The following LDLRAD1 variants were observed in gnomAD, a reference collection of about 807,000 sequenced individuals.
The protein encoded by LDLRAD1 is low density lipoprotein receptor class A domain containing 1.
In LDLRAD1, 17 loss-of-function variants were observed where a neutral mutation model predicts 24.8. The ratio of observed to expected loss-of-function variants is 0.69; its 90% CI spans 0.47 to 1.03. The LOEUF is 1.03. Among genes scored for constraint, LDLRAD1 ranks in the 50% least tolerant of loss-of-function variants. The pLI is 0.00. For synonymous variants in LDLRAD1, 103 were observed against 108.2 expected, an observed-to-expected ratio of 0.95 and a Z score of 0.30; for missense variants, 277 against 271.0, an observed-to-expected ratio of 1.02 and a Z score of -0.16.
intron 1 of LDLRAD1, among the ~76,000 whole-genome samples, chr1:54,017,684 T>C (rs1656370524): frequency 6.6e-6 from 1 of 152,132 alleles, no homozygotes; most frequent in Non-Finnish European, 1.5e-5. Context: ...TCAAACCGGC[T>C]TGGGCAGCGA....
At chr1:54,013,092 A>C (rs994415050) in intron 3 of LDLRAD1, among the ~76,000 whole-genome samples, 1 of 152,088 alleles carries the variant, frequency 6.6e-6, no homozygotes, top group Admixed American at 6.5e-5. Flanking sequence ...AGAGACACTC[A>C]TGTTGACACA....
At chr1:54,014,140 G>C in intron 3 of LDLRAD1, 96 bp downstream of exon 3, 1 of 1,436,140 alleles carries the variant, frequency 7.0e-7, no homozygotes, top group Non-Finnish European at 9.4e-7. Flanking sequence ...AAGTCACCTG[G>C]TGGAGAAGCC....
In LDLRAD1 at chr1:54,008,557, A is replaced by AT. The variant is rs539546345; in HGVS notation, c.*424dup. The AT allele has an allele frequency of 6.2e-3, 948 of 152,766 alleles. 6 individuals carry two copies. Among genetic ancestry groups the AT allele is most frequent in the African/African-American group, 0.02 (813 of 40,666 alleles). The allele number at this position is 152,766 out of a possible 1,614,324, so 9.5% of individuals were successfully genotyped here. A position where few individuals can be genotyped will look rare whatever the true frequency, so the allele number is the denominator to read the frequency against. On this transcript the variant is annotated 3_prime_UTR_variant, in exon 6 of 6. Transcript: ENST00000371360. ...TTTGTTTGTGTTTGTGTTTTGTTTC[A>AT]TTTTTTTTTTGAGACAGGGTCTCAC...
chr1:54,009,233 C>T (rs1655946106), intron 5 of LDLRAD1, 103 bp from the exon 6 acceptor site: 1 of 1,065,700 alleles, frequency 9.4e-7, no homozygotes, highest in Non-Finnish European at 1.4e-6. Flanking sequence ...TCCCCATGGC[C>T]CCAACCCATC....
rs1323926962 is a variant in LDLRAD1 at position 54,008,701 on chromosome 1, C to T, written c.*281G>A. 11 of 341,932 alleles carry T rather than the reference C, an allele frequency of 3.2e-5. No homozygotes were observed. Among genetic ancestry groups the T allele is most frequent in the African/African-American group, 6.4e-5 (3 of 47,208 alleles). 21.2% of individuals were successfully genotyped at this position (341,932 alleles called of 1,614,324 possible). On this transcript the variant is annotated 3_prime_UTR_variant, in exon 6 of 6. Transcript: ENST00000371360. Reference sequence around the variant, plus strand: ...AGTAGCTGGGACTATAGGTGTGCACCGCCATGCCTGGCTAATTTTTGTATT... The same window carrying T: ...AGTAGCTGGGACTATAGGTGTGCACTGCCATGCCTGGCTAATTTTTGTATT...
At position 54,010,309 on chromosome 1, in the gene LDLRAD1, C is replaced by CG. The variant is rs1357604527; in HGVS notation, c.441dup (p.Gly148ArgfsTer6). The CG allele has an allele frequency of 2.5e-6, 4 of 1,613,956 alleles. No individual in the cohort carries two copies. The highest frequency in any genetic ancestry group is 3.4e-6 in the Non-Finnish European group (4 of 1,179,998). The stretch of plus-strand genomic sequence containing the variant: ...GGGCTCAGTTCATCTGAACAGTCCC[C>CG]GCAGTTGTTAGTGCCATCACATTTT... On this transcript the variant is annotated frameshift_variant, in exon 5 of 6. Coordinates refer to ENST00000371360, the MANE Select transcript of LDLRAD1 (RefSeq NM_001010978.4). LOFTEE classifies it high-confidence loss of function.
chr1:54,015,005 T>A (rs1264750570), intron 2 of LDLRAD1, among the ~76,000 whole-genome samples: 1 of 152,258 alleles, frequency 6.6e-6, no homozygotes, highest in Non-Finnish European at 1.5e-5. Flanking sequence ...ATGGGTACCA[T>A]AATAGCTACC....
At chr1:54,014,008 A>G (rs1656181996) in intron 3 of LDLRAD1, among the ~76,000 whole-genome samples, 1 of 152,120 alleles carries the variant, frequency 6.6e-6, no homozygotes, top group Admixed American at 6.5e-5. Context: ...AGGTGACATC[A>G]GAGCTGGGTC....
intron 1 of LDLRAD1, 31 bp downstream of exon 1, chr1:54,018,061 G>C: frequency 6.3e-7 from 1 of 1,584,534 alleles, no homozygotes; most frequent in Non-Finnish European, 8.7e-7. Context: ...CTCTTACTTG[G>C]AGACAACTCT....
chr1:54,009,894 A>G (rs1370830155), intron 5 of LDLRAD1, among the ~76,000 whole-genome samples: 1 of 152,136 alleles, frequency 6.6e-6, no homozygotes, highest in African/African-American at 2.4e-5. Flanking sequence ...CAAAGCCTCC[A>G]TTTACTTACA....
chr1:54,014,112 C>A, intron 3 of LDLRAD1, 124 bp downstream of exon 3: 2 of 1,126,854 alleles, frequency 1.8e-6, no homozygotes, highest in Non-Finnish European at 2.5e-6. Flanking sequence ...TGTGCATGCA[C>A]CTTAAGGAAT....
intron 2 of LDLRAD1, among the ~76,000 whole-genome samples, chr1:54,016,490 A>C (rs1008178808): frequency 1.3e-5 from 2 of 152,170 alleles, no homozygotes; most frequent in African/African-American, 2.4e-5. Context: ...TTGCACTTCA[A>C]AGCCAGAAAG....
chr1:54,010,790 T>A (rs1218354560), intron 4 of LDLRAD1, among the ~76,000 whole-genome samples: 1 of 152,180 alleles, frequency 6.6e-6, no homozygotes, highest in Non-Finnish European at 1.5e-5. Context: ...AACTGGAACA[T>A]CACAGGAATA....
At position 54,018,117 on chromosome 1, in the gene LDLRAD1, TCG is replaced by T. The variant is rs1327776100; in HGVS notation, c.-7_-6del. On this transcript the variant is annotated 5_prime_UTR_variant, in exon 1 of 6. Coordinates refer to ENST00000371360, the MANE Select transcript of LDLRAD1 (RefSeq NM_001010978.4). Reference sequence around the variant, plus strand: ...CTGGGGGAAGACCTTGTTCATGTCTTCGGTTTCCTGCTGCCCGACTGGGGCTG... The same window carrying T: ...CTGGGGGAAGACCTTGTTCATGTCTTGTTTCCTGCTGCCCGACTGGGGCTG... The T allele has an allele frequency of 1.2e-6, 2 of 1,613,640 alleles. No homozygotes were observed. The highest frequency in any genetic ancestry group is 1.7e-6 in the Non-Finnish European group (2 of 1,179,862).
At chr1:54,015,249 C>T (rs556873467) in intron 2 of LDLRAD1, among the ~76,000 whole-genome samples, 9 of 152,214 alleles carry the variant, frequency 5.9e-5, no homozygotes, top group African/African-American at 1.7e-4. Context: ...GGACAACAGG[C>T]GTGCACCACT....
At chr1:54,014,086 GGTGTCTGTGT>G in intron 3 of LDLRAD1, 140 bp downstream of exon 3, 1 of 810,270 alleles carries the variant, frequency 1.2e-6, no homozygotes, top group Non-Finnish European at 2.0e-6. Context: ...TGTGTGTGCA[GGTGTCTGTGT>G]GTGTCTGTGC....
chr1:54,017,963 C>T (rs74085128), intron 1 of LDLRAD1, 129 bp downstream of exon 1: 41,330 of 854,668 alleles, frequency 0.048, 2,431 homozygotes, highest in African/African-American at 0.25. Context: ...CTGGTCAGGG[C>T]GGCTCTTACC....
chr1:54,012,422 GC>G, intron 3 of LDLRAD1, 142 bp from the exon 4 acceptor site: 1 of 869,790 alleles, frequency 1.1e-6, no homozygotes, highest in Non-Finnish European at 1.8e-6. Flanking sequence ...TGGGGTTCAA[GC>G]CCCAGCTGTA....
At chr1:54,013,807 G>T (rs1656167828) in intron 3 of LDLRAD1, among the ~76,000 whole-genome samples, 1 of 152,170 alleles carries the variant, frequency 6.6e-6, no homozygotes, top group African/African-American at 2.4e-5. Context: ...CTGTGTTGGG[G>T]TTGTTCACCC....
Sources: allele counts gnomAD v4.1 joint callset (sites outside exome capture counted in the v4.1 genomes callset), GRCh38; gene constraint gnomAD v4.1.1; transcripts MANE v1.5; gene names NCBI Gene and HGNC (gene_info 2026-07-23, HGNC 2026-07-21).